Variants in ZNF157 observed in about 807,000 individuals in gnomAD.
ZNF157 encodes the protein zinc finger protein 157, also known as zinc finger protein 22.
A neutral mutation model predicts 9.4 loss-of-function variants in ZNF157; 8 were observed. That is an observed-to-expected ratio of 0.85 (90% CI 0.50 to 1.53). The LOEUF (loss-of-function observed/expected upper bound fraction) is 1.53, where lower values mean the gene tolerates loss of function less well. Among genes scored for constraint, ZNF157 ranks in the 40% most tolerant of loss-of-function variants. The probability of loss-of-function intolerance (pLI) is 0.00; values close to 1 mark genes in which losing one functional copy is unlikely to be tolerated. For synonymous variants in ZNF157, 120 were observed against 130.8 expected (o/e 0.92, Z 0.56); for missense variants, 316 against 385.2 (o/e 0.82, Z 1.50).
chrX:47,394,251 C>T (rs1327878973), intron 1 of ZNF157, among the ~76,000 whole-genome samples: 3 of 111,177 alleles, frequency 2.7e-5, no homozygotes, highest in Non-Finnish European at 5.7e-5. Flanking sequence ...CGTGAGCCAC[C>T]GCGCCTGGCC....
intron 1 of ZNF157, among the ~76,000 whole-genome samples, chrX:47,407,110 T>C (rs1415642885): frequency 8.9e-6 from 1 of 112,331 alleles, no homozygotes; most frequent in East Asian, 2.8e-4. Flanking sequence ...GATTGTGTGG[T>C]TTTTCTGTTT....
intron 1 of ZNF157, among the ~76,000 whole-genome samples, chrX:47,378,546 G>A (rs768921550): frequency 8.9e-6 from 1 of 112,109 alleles, no homozygotes; most frequent in East Asian, 2.8e-4. Flanking sequence ...TAAACTATAA[G>A]CCAAGTTCCT....
intron 1 of ZNF157, among the ~76,000 whole-genome samples, chrX:47,382,282 CTTTTTTTTTTT>C (rs764704009): frequency 1.1e-4 from 6 of 53,357 alleles, no homozygotes; most frequent in Non-Finnish European, 6.2e-5. Flanking sequence ...TTCAACAGAA[CTTTTTTTTTTT>C]TTTTTTTTTT....
At chrX:47,402,044 G>T (rs907251500) in intron 1 of ZNF157, among the ~76,000 whole-genome samples, 1 of 111,625 alleles carries the variant, frequency 9.0e-6, no homozygotes, top group African/African-American at 3.3e-5. Flanking sequence ...ACCGAGAACG[G>T]TAGCTTTATA....
intron 1 of ZNF157, among the ~76,000 whole-genome samples, chrX:47,398,022 C>T (rs4824614): frequency 0.31 from 33,952 of 107,867 alleles, 3,957 homozygotes; most frequent in Middle Eastern, 0.5. Context: ...TTTTTTGAGA[C>T]GGAGTCTTGC....
intron 1 of ZNF157, among the ~76,000 whole-genome samples, chrX:47,373,017 T>C (rs1435510441): frequency 9.3e-6 from 1 of 108,012 alleles, no homozygotes; most frequent in Non-Finnish European, 1.9e-5. Flanking sequence ...CTGACCAACA[T>C]GATAAAACCT....
intron 1 of ZNF157, among the ~76,000 whole-genome samples, chrX:47,406,791 G>A (rs113858792): frequency 0.015 from 1,700 of 112,572 alleles, 35 homozygotes; most frequent in African/African-American, 0.052. Context: ...AACAGAGACA[G>A]TTTTATTTAT....
chrX:47,373,288 C>T (rs183547650), intron 1 of ZNF157, among the ~76,000 whole-genome samples: 160 of 111,137 alleles, frequency 1.4e-3, no homozygotes, highest in African/African-American at 4.9e-3. Flanking sequence ...GCCGGTGGCT[C>T]ACAGGTAAAA....
intron 1 of ZNF157, among the ~76,000 whole-genome samples, chrX:47,378,135 G>A (rs756451422): frequency 1.8e-5 from 2 of 110,690 alleles, no homozygotes; most frequent in Admixed American, 9.8e-5. Flanking sequence ...AGTTTTTAAC[G>A]ATAATTTGGT....
At chrX:47,375,799 T>C (rs923710876) in intron 1 of ZNF157, among the ~76,000 whole-genome samples, 2 of 110,424 alleles carry the variant, frequency 1.8e-5, no homozygotes, top group African/African-American at 6.6e-5. Context: ...GCTCAGGTGA[T>C]CCTCCCATCT....
Position 47,397,241 on chromosome X carries a change from C to CT in ZNF157, c.73-13016dup, listed in dbSNP as rs769178786. Among the ~76,000 whole-genome samples the CT allele has an allele frequency of 7.1e-3, 549 of 77,718 alleles. 9 individuals are homozygous for CT. Among genetic ancestry groups the CT allele is most frequent in the African/African-American group, 7.7e-3 (157 of 20,329 alleles). The allele number at this position is 77,718 out of a possible 115,157, so 67.5% of individuals were successfully genotyped here. ...AGCAACCCAGTTTCTTTTTTTCTTT[C>CT]TTTTTTTTTTTTTTTTTTTGAGATG... On this transcript the variant is annotated intron_variant, in intron 1 of 3. Transcript: ENST00000377073.
At chrX:47,387,886 CAAAAAAAAAAAA>C (rs781763726) in intron 1 of ZNF157, among the ~76,000 whole-genome samples, 1 of 34,536 alleles carries the variant, frequency 2.9e-5, no homozygotes, top group South Asian at 3.7e-3. Context: ...GACTCTGTCT[CAAAAAAAAAAAA>C]AAAAAAAAAA....
chrX:47,395,491 C>A (rs1009680737), intron 1 of ZNF157, among the ~76,000 whole-genome samples: 1 of 111,874 alleles, frequency 8.9e-6, no homozygotes, highest in African/African-American at 3.2e-5. Flanking sequence ...TATCTTGGCA[C>A]CTTTACATAT....
Position 47,381,593 on chromosome X carries a change from A to G in ZNF157, c.72+10853A>G, listed in dbSNP as rs141793669. 5.2e-3 allele frequency among the ~76,000 whole-genome samples: 587 copies of G among 112,267 alleles called. 4 individuals carry two copies. The highest frequency in any genetic ancestry group is 0.018 in the African/African-American group (558 of 31,000). ...GTATATAGGAAAACAATTGACTTTT[A>G]TTAAGCCTGTATCCTGTGACTTTAC... On this transcript the variant is annotated intron_variant, in intron 1 of 3. Transcript: ENST00000377073.
At position 47,405,328 on chromosome X, in the gene ZNF157, G is replaced by A. The variant is rs1277953406; in HGVS notation, c.73-4948G>A. Among the ~76,000 whole-genome samples the A allele has an allele frequency of 4.5e-5, 5 of 110,107 alleles. No homozygotes were observed. The South Asian group carries it at 1.2e-3, about 26-fold the overall frequency. Reference sequence around the variant, plus strand: ...CGCTTGAACCTCAGAGGTGGAGGTTGCAGTGAGCCAAGATTGCACCATTGC... The same window carrying A: ...CGCTTGAACCTCAGAGGTGGAGGTTACAGTGAGCCAAGATTGCACCATTGC... On this transcript the variant is annotated intron_variant, in intron 1 of 3. Coordinates refer to ENST00000377073, the MANE Select transcript of ZNF157 (RefSeq NM_003446.4).
intron 1 of ZNF157, among the ~76,000 whole-genome samples, chrX:47,378,240 G>A (rs909918394): frequency 9.0e-6 from 1 of 110,790 alleles, no homozygotes; most frequent in African/African-American, 3.3e-5. Flanking sequence ...TCAGTGCCTG[G>A]GTGGGGGCCA....
chrX:47,401,076 C>G (rs2055929159), intron 1 of ZNF157, among the ~76,000 whole-genome samples: 2 of 112,131 alleles, frequency 1.8e-5, no homozygotes, highest in Admixed American at 1.9e-4. Flanking sequence ...TGCAATCCTC[C>G]AGTAGCATGT....
chrX:47,375,697 CT>C (rs59526891), intron 1 of ZNF157, among the ~76,000 whole-genome samples: 32,675 of 96,200 alleles, frequency 0.34, 4,824 homozygotes, highest in African/African-American at 0.47. Flanking sequence ...GTAGTTTTGC[CT>C]TTTTTTTTTT....
intron 1 of ZNF157, among the ~76,000 whole-genome samples, chrX:47,378,268 A>C (rs1361113859): frequency 9.0e-6 from 1 of 110,945 alleles, no homozygotes; most frequent in Non-Finnish European, 1.9e-5. Flanking sequence ...AGATCGAGCC[A>C]GTTTACGGAT....
Sources: allele counts gnomAD v4.1 joint callset (sites outside exome capture counted in the v4.1 genomes callset), GRCh38; gene constraint gnomAD v4.1.1; transcripts MANE v1.5; gene names NCBI Gene and HGNC (gene_info 2026-07-23, HGNC 2026-07-21).